Variants in SORCS1 observed in about 807,000 individuals in gnomAD.
SORCS1 encodes VPS10 domain-containing receptor SorCS1.
In SORCS1, 60 loss-of-function variants were observed where a neutral mutation model predicts 146.1. The observed-to-expected ratio is 0.41, with a 90% CI of 0.33 to 0.51. The LOEUF (loss-of-function observed/expected upper bound fraction) is 0.51, where lower values mean the gene tolerates loss of function less well. SORCS1 is among the 20% of genes least tolerant of loss of function. The pLI is 0.21. For missense variants in SORCS1, 1,352 were observed against 1,487.6 expected (o/e 0.91, Z 1.50); for synonymous variants, 637 against 584.0 (o/e 1.09, Z -1.31).
chr10:107,027,962 A>G (rs772411165), intron 1 of SORCS1, among the ~76,000 whole-genome samples: 5 of 152,186 alleles, frequency 3.3e-5, no homozygotes, highest in Non-Finnish European at 7.3e-5. Flanking sequence ...AGTCCTCAAA[A>G]TATGTATGGT....
rs189207122 is a variant in SORCS1 at position 106,601,384 on chromosome 10, T to C, written c.3166-3934A>G. On this transcript the variant is annotated intron_variant, in intron 23 of 25. Coordinates refer to ENST00000263054, the MANE Select transcript of SORCS1 (RefSeq NM_052918.5). ...CCACATCAGCTAAACAATCACGCCA[T>C]AGAAACAACACATTATTCTTGGTAT... Among the ~76,000 whole-genome samples the C allele has an allele frequency of 2.4e-3, 367 of 152,358 alleles. 1 individual carries two copies. Among genetic ancestry groups the C allele is most frequent in the Non-Finnish European group, 3.7e-3 (255 of 68,034 alleles).
intron 2 of SORCS1, among the ~76,000 whole-genome samples, chr10:106,952,787 G>A (rs1326402368): frequency 6.6e-6 from 1 of 151,184 alleles, no homozygotes; most frequent in African/African-American, 2.4e-5. Flanking sequence ...ACCAGTTTGA[G>A]TAACAAAGTG....
At chr10:107,089,143 A>C (rs1161244588) in intron 1 of SORCS1, among the ~76,000 whole-genome samples, 1 of 152,194 alleles carries the variant, frequency 6.6e-6, no homozygotes, top group Non-Finnish European at 1.5e-5. Context: ...TTTATTTTTC[A>C]TTTAAGTATA....
intron 24 of SORCS1, among the ~76,000 whole-genome samples, chr10:106,590,898 A>T (rs2133269800): frequency 6.6e-6 from 1 of 152,224 alleles, no homozygotes; most frequent in African/African-American, 2.4e-5. Flanking sequence ...CAGGTGATCC[A>T]CCCACCTCAT....
intron 1 of SORCS1, among the ~76,000 whole-genome samples, chr10:106,985,844 C>G (rs1430960077): frequency 6.6e-6 from 1 of 152,020 alleles, no homozygotes; most frequent in Non-Finnish European, 1.5e-5. Flanking sequence ...CTCATTTAAG[C>G]TTTCACAACA....
At chr10:106,739,534 C>A (rs1018525916) in intron 5 of SORCS1, among the ~76,000 whole-genome samples, 3 of 151,214 alleles carry the variant, frequency 2.0e-5, no homozygotes, top group Admixed American at 6.6e-5. Flanking sequence ...CCAGGCCGGG[C>A]GTGGTGGCTC....
chr10:106,954,900 T>C (rs1017134237), intron 2 of SORCS1, among the ~76,000 whole-genome samples: 1 of 152,166 alleles, frequency 6.6e-6, no homozygotes, highest in African/African-American at 2.4e-5. Flanking sequence ...ATAAAACTCT[T>C]CTTGGATGCA....
chr10:107,117,518 T>C (rs1373136431), intron 1 of SORCS1, among the ~76,000 whole-genome samples: 1 of 151,934 alleles, frequency 6.6e-6, no homozygotes, highest in Non-Finnish European at 1.5e-5. Context: ...GCGCTGGGGG[T>C]GAGAACCCTG....
intron 1 of SORCS1, among the ~76,000 whole-genome samples, chr10:107,093,413 G>A (rs989894488): frequency 2.6e-5 from 4 of 152,070 alleles, no homozygotes; most frequent in African/African-American, 4.8e-5. Context: ...GGTGGCTCAC[G>A]CCTGTAATCC....
At chr10:107,103,273 G>A (rs973046580) in intron 1 of SORCS1, among the ~76,000 whole-genome samples, 2 of 152,140 alleles carry the variant, frequency 1.3e-5, no homozygotes, top group Non-Finnish European at 2.9e-5. Flanking sequence ...AAGAAACAAA[G>A]GAACAGAAGC....
At chr10:106,718,081 A>G (rs1855509324) in intron 6 of SORCS1, among the ~76,000 whole-genome samples, 1 of 152,194 alleles carries the variant, frequency 6.6e-6, no homozygotes, top group Admixed American at 6.5e-5. Flanking sequence ...AAAGCCTAGA[A>G]GGCTGCCTGG....
Position 106,699,293 on chromosome 10 carries a change from C to T in SORCS1, c.1334G>A (p.Gly445Asp). The change falls in exon 9 of 26, where the codon GGT (glycine) becomes GAT (aspartate). Residue 445 changes from glycine to aspartate, a missense_variant. Physicochemically the swap from Gly to Asp is moderately conservative, Grantham distance 94. This residue lies in a region of SORCS1 where 648 missense variants were observed against 793.8 expected (regional missense o/e 0.82). Coordinates refer to ENST00000263054, the MANE Select transcript of SORCS1 (RefSeq NM_052918.5). ...TYNLYISDTR[G>D]VYFTLALENV... ...CTCCAAGGCCAGGGTGAAGTAGACA[C>T]CACGTGTGTCTGAGATGTAGAGGTT... is the stretch of plus-strand genomic sequence containing the variant. 6.2e-7 allele frequency: 1 copy of T among 1,614,072 alleles called. No individual in the cohort carries two copies. Among genetic ancestry groups the T allele is most frequent in the Non-Finnish European group, 8.5e-7 (1 of 1,179,936 alleles).
At chr10:106,814,005 C>A (rs1349009135) in intron 3 of SORCS1, among the ~76,000 whole-genome samples, 2 of 152,058 alleles carry the variant, frequency 1.3e-5, no homozygotes, top group Non-Finnish European at 2.9e-5. Flanking sequence ...TTCCTTTTAT[C>A]TATTATATTC....
At chr10:106,699,032 G>T (rs1208883893) in intron 9 of SORCS1, among the ~76,000 whole-genome samples, 182 bp downstream of exon 9, 1 of 152,166 alleles carries the variant, frequency 6.6e-6, no homozygotes, top group Non-Finnish European at 1.5e-5. Flanking sequence ...GAATCCCCCA[G>T]AGATCTTCTG....
At chr10:106,784,669 A>G (rs1945975492) in intron 3 of SORCS1, among the ~76,000 whole-genome samples, 1 of 152,220 alleles carries the variant, frequency 6.6e-6, no homozygotes, top group Non-Finnish European at 1.5e-5. Context: ...GTTAGCTGCT[A>G]TCAGAAGGAG....
chr10:106,837,816 C>A (rs1014767502), intron 2 of SORCS1, among the ~76,000 whole-genome samples: 3 of 151,968 alleles, frequency 2.0e-5, no homozygotes, highest in Non-Finnish European at 4.4e-5. Flanking sequence ...ACCTAATAGA[C>A]AACTGTCTTA....
At chr10:106,766,652 C>T (rs1176802066) in intron 4 of SORCS1, among the ~76,000 whole-genome samples, 1 of 152,092 alleles carries the variant, frequency 6.6e-6, no homozygotes, top group Non-Finnish European at 1.5e-5. Flanking sequence ...TTGGCTGTTC[C>T]GTACAGAGAG....
At chr10:107,099,460 T>A (rs1311631774) in intron 1 of SORCS1, among the ~76,000 whole-genome samples, 1 of 152,188 alleles carries the variant, frequency 6.6e-6, no homozygotes, top group African/African-American at 2.4e-5. Flanking sequence ...GCATAGACCT[T>A]TAGCCTTTAG....
chr10:107,164,314 G>T lies in SORCS1; in HGVS notation c.213C>A (p.Pro71=). The change falls in exon 1 of 26, where the codon CCC becomes CCA. Residue 71 remains proline (P), a synonymous_variant. Coordinates refer to ENST00000263054, the MANE Select transcript of SORCS1 (RefSeq NM_052918.5). The surrounding 1 kb of genome is among the most constrained non-coding windows in gnomAD (Gnocchi z 6.8). ...CTGAGAACAGGGGACGCACTACGAGGGGCAGGGGCGTGGCAGGAGCCCTGC... is the reference window on the plus strand; with the variant it reads ...CTGAGAACAGGGGACGCACTACGAGTGGCAGGGGCGTGGCAGGAGCCCTGC... The part of the protein sequence containing the change: ...RPGRAPATPL[P]LVVRPLFSVA... 6.4e-7 allele frequency: 1 copy of T among 1,568,776 alleles called. No homozygotes were observed. The highest frequency in any genetic ancestry group is 2.3e-5 in the East Asian group (1 of 42,870).
Sources: allele counts gnomAD v4.1 joint callset (sites outside exome capture counted in the v4.1 genomes callset), GRCh38; gene constraint gnomAD v4.1.1; regional missense constraint gnomAD v4.1.1; non-coding constraint Gnocchi (gnomAD v3.1); transcripts MANE v1.5; gene names NCBI Gene and HGNC (gene_info 2026-07-23, HGNC 2026-07-21).